Variants in ATP8B4 observed in about 807,000 individuals in gnomAD.
ATP8B4 encodes the protein probable phospholipid-transporting ATPase IM.
In ATP8B4, 133 loss-of-function variants were observed where a neutral mutation model predicts 145.6. That is an observed-to-expected ratio of 0.91 (90% confidence interval 0.79 to 1.05). The LOEUF is 1.05. Among genes scored for constraint, ATP8B4 ranks in the 50% least tolerant of loss-of-function variants. The pLI is 0.00. For missense variants in ATP8B4, 1,458 were observed against 1,425.2 expected (o/e 1.02, Z -0.37); for synonymous variants, 507 against 492.9 (o/e 1.03, Z -0.38).
chr15:49,946,388 G>T (rs1391513688), intron 14 of ATP8B4, among the ~76,000 whole-genome samples: 2 of 152,032 alleles, frequency 1.3e-5, no homozygotes, highest in Non-Finnish European at 2.9e-5. Flanking sequence ...CCAGAAGCAG[G>T]GCTCAGTCAT....
chr15:49,900,873 T>C (rs12914341), intron 21 of ATP8B4, among the ~76,000 whole-genome samples: 67,226 of 151,988 alleles, frequency 0.44, 15,154 homozygotes, highest in Admixed American at 0.53. Context: ...TTAGCATTTC[T>C]TTGGAGCCTC....
chr15:50,094,533 C>A (rs2055828208), intron 2 of ATP8B4, among the ~76,000 whole-genome samples: 1 of 149,792 alleles, frequency 6.7e-6, no homozygotes, highest in Admixed American at 6.7e-5. Context: ...TATTTGGACA[C>A]ATACATACAT....
intron 16 of ATP8B4, among the ~76,000 whole-genome samples, chr15:49,927,122 A>G (rs1290015906): frequency 6.6e-6 from 1 of 152,124 alleles, no homozygotes; most frequent in Admixed American, 6.6e-5. Flanking sequence ...AAAACTATAT[A>G]ATGTCATTTA....
intron 7 of ATP8B4, among the ~76,000 whole-genome samples, chr15:50,005,544 G>C (rs1256052874): frequency 6.6e-6 from 1 of 152,046 alleles, no homozygotes; most frequent in Non-Finnish European, 1.5e-5. Context: ...AGTGAGGGAG[G>C]AATAGACTCT....
In ATP8B4 at chr15:49,934,065, T is replaced by C. The variant is rs1218982657; in HGVS notation, c.1405A>G (p.Arg469Gly). 5.0e-6 allele frequency: 8 copies of C among 1,612,578 alleles called. No individual in the cohort carries two copies. The Admixed American group carries it at 1.0e-4, about 20-fold the overall frequency. ...ACAGTGTGGCAGAGAGCAAGTAACC[T>C]AAGGAATTCATGAACTTTGGGATCA... Reference protein sequence around the residue: ...MGDPKVHEFLRLLALCHTVMS... With the variant: ...MGDPKVHEFLGLLALCHTVMS... Residue 469 changes from arginine (R) to glycine (G), a missense_variant, in exon 15 of 28, where the codon AGG (arginine) becomes GGG (glycine). Transcript: ENST00000284509.
intron 20 of ATP8B4, among the ~76,000 whole-genome samples, chr15:49,902,663 A>G (rs2038167430): frequency 6.6e-6 from 1 of 152,226 alleles, no homozygotes; most frequent in African/African-American, 2.4e-5. Flanking sequence ...AGTAGAACAG[A>G]CATGAAAAAT....
chr15:50,089,732 T>C (rs8040357), intron 2 of ATP8B4, among the ~76,000 whole-genome samples: 111,282 of 151,568 alleles, frequency 0.73, 41,720 homozygotes, highest in African/African-American at 0.91. Context: ...GGCGCGATCT[T>C]GAGAAACAGG....
intron 6 of ATP8B4, among the ~76,000 whole-genome samples, chr15:50,029,067 T>C (rs1165759211): frequency 2.0e-5 from 3 of 151,430 alleles, no homozygotes; most frequent in African/African-American, 7.3e-5. Flanking sequence ...ACCCCGTATC[T>C]ACTAAAATAC....
chr15:49,924,020 G>C (rs2040490159), intron 16 of ATP8B4, among the ~76,000 whole-genome samples: 1 of 151,800 alleles, frequency 6.6e-6, no homozygotes, highest in South Asian at 2.1e-4. Flanking sequence ...ATTAATTCTT[G>C]GTGGTTCGTT....
At chr15:49,911,084 A>C (rs1315149982) in intron 20 of ATP8B4, among the ~76,000 whole-genome samples, 1 of 152,174 alleles carries the variant, frequency 6.6e-6, no homozygotes, top group Non-Finnish European at 1.5e-5. Flanking sequence ...CAGAAGATAT[A>C]TACAACATCC....
At chr15:49,864,748 GAAT>G (rs1388046345) in intron 26 of ATP8B4, among the ~76,000 whole-genome samples, 1 of 152,082 alleles carries the variant, frequency 6.6e-6, no homozygotes, top group African/African-American at 2.4e-5. Flanking sequence ...ACATTTGCAT[GAAT>G]AATAATAATC....
intron 23 of ATP8B4, chr15:49,897,029 A>G: frequency 2.7e-6 from 1 of 368,356 alleles, no homozygotes; most frequent in African/African-American, 2.1e-5. Context: ...TTTCAACAAA[A>G]ACTAAAGTAT....
intron 5 of ATP8B4, among the ~76,000 whole-genome samples, chr15:50,041,220 C>T (rs969556392): frequency 1.3e-5 from 2 of 152,196 alleles, no homozygotes; most frequent in Non-Finnish European, 2.9e-5. Context: ...GGAAAAACCA[C>T]ACATTTACTC....
intron 13 of ATP8B4, among the ~76,000 whole-genome samples, chr15:49,965,467 C>G (rs1052391690): frequency 2.6e-5 from 4 of 152,138 alleles, no homozygotes; most frequent in African/African-American, 9.7e-5. Flanking sequence ...CAGAAAGTTC[C>G]GCAGAGCCTC....
chr15:50,124,527 C>G (rs2057294812), intron 1 of ATP8B4, among the ~76,000 whole-genome samples: 1 of 152,002 alleles, frequency 6.6e-6, no homozygotes, highest in Admixed American at 6.6e-5. Flanking sequence ...CTTTTCTACT[C>G]TACTAATAAA....
chr15:50,038,860 C>T (rs766967457), intron 5 of ATP8B4, 31 bp from the exon 6 acceptor site: 9 of 1,588,170 alleles, frequency 5.7e-6, no homozygotes, highest in Non-Finnish European at 7.8e-6. Context: ...TGAGAAAACA[C>T]ATTACAAGGT....
chr15:49,942,396 C>T (rs1221905908), intron 14 of ATP8B4, among the ~76,000 whole-genome samples: 1 of 151,606 alleles, frequency 6.6e-6, no homozygotes, highest in Non-Finnish European at 1.5e-5. Context: ...AAAGCAATAA[C>T]ACAAGACAGA....
chr15:50,087,785 TA>T (rs2055318612), intron 2 of ATP8B4, among the ~76,000 whole-genome samples: 1 of 152,134 alleles, frequency 6.6e-6, no homozygotes, highest in Non-Finnish European at 1.5e-5. Context: ...ATTCTTAAGT[TA>T]ATGTTAATTA....
At position 49,860,151 on chromosome 15, in the gene ATP8B4, C is replaced by G; in HGVS notation, c.*43G>C. The G allele has an allele frequency of 6.4e-7, 1 of 1,555,056 alleles. No homozygotes were observed. The highest frequency in any genetic ancestry group is 8.7e-7 in the Non-Finnish European group (1 of 1,150,152). ...TGGAGCCAGCAGAATTTCAGCTCCA[C>G]CTGAAGTGAAAAGATAACTACGTGG... On this transcript the variant is annotated 3_prime_UTR_variant, in exon 28 of 28. Transcript: ENST00000284509.
Sources: gnomAD v4.1 joint callset for allele counts (sites outside exome capture counted in the v4.1 genomes callset) on GRCh38, gnomAD v4.1.1 for gene constraint, MANE v1.5 for transcripts, NCBI Gene and HGNC (gene_info 2026-07-23, HGNC 2026-07-21) for gene names.